TDRD9: variants seen among roughly 807,000 people sequenced by gnomAD.
TDRD9 encodes ATP-dependent RNA helicase TDRD9.
TDRD9 carries 124 observed loss-of-function variants against 172.6 expected under a neutral mutation model. The ratio of observed to expected loss-of-function variants is 0.72; its 90% CI spans 0.62 to 0.83. The LOEUF (loss-of-function observed/expected upper bound fraction) is 0.83, where lower values mean the gene tolerates loss of function less well. Among genes scored for constraint, TDRD9 ranks in the 40% least tolerant of loss-of-function variants. The probability of loss-of-function intolerance (pLI) is 0.00; values close to 1 mark genes in which losing one functional copy is unlikely to be tolerated. For synonymous variants in TDRD9, 619 were observed against 617.1 expected, an observed-to-expected ratio of 1.00 and a Z score of -0.05; for missense variants, 1,479 against 1,714.1, an observed-to-expected ratio of 0.86 and a Z score of 2.42.
chr14:104,026,187 C>T, intron 27 of TDRD9, 51 bp downstream of exon 27: 1 of 1,291,360 alleles, frequency 7.7e-7, no homozygotes, highest in Non-Finnish European at 1.1e-6. Flanking sequence ...GGACAGGATT[C>T]CTGGGTGGAT....
chr14:103,952,131 CGT>C (rs1491576569), intron 1 of TDRD9, among the ~76,000 whole-genome samples: 14 of 84,660 alleles, frequency 1.7e-4, no homozygotes, highest in African/African-American at 4.7e-4. Context: ...TATATATACA[CGT>C]ATATATATAT....
At chr14:104,047,244 A>C (rs1218777499) in intron 34 of TDRD9, among the ~76,000 whole-genome samples, 1 of 152,168 alleles carries the variant, frequency 6.6e-6, no homozygotes, top group African/African-American at 2.4e-5. Context: ...TTTTAATGCT[A>C]TTGTGAATAA....
chr14:104,044,505 GCTTT>G (rs2035707955), intron 34 of TDRD9, among the ~76,000 whole-genome samples: 1 of 152,072 alleles, frequency 6.6e-6, no homozygotes, highest in South Asian at 2.1e-4. Context: ...CCACTGATCT[GCTTT>G]CTGTTTATAT....
chr14:103,928,884 C>G (rs1242035385), intron 1 of TDRD9, 160 bp downstream of exon 1: 9 of 243,768 alleles, frequency 3.7e-5, no homozygotes, highest in Non-Finnish European at 7.1e-5. Flanking sequence ...CAACCCGACG[C>G]GCGGCCCAGA....
At chr14:103,990,659 A>G (rs987706252) in intron 8 of TDRD9, among the ~76,000 whole-genome samples, 2 of 152,220 alleles carry the variant, frequency 1.3e-5, no homozygotes, top group African/African-American at 2.4e-5. Context: ...TTACTGCTGT[A>G]TCTTACACAG....
At chr14:104,043,173 A>G (rs1566804998) in intron 34 of TDRD9, among the ~76,000 whole-genome samples, 1 of 151,616 alleles carries the variant, frequency 6.6e-6, no homozygotes, top group Non-Finnish European at 1.5e-5. Context: ...ACAGGTGTGC[A>G]CCACCACACC....
chr14:104,027,221 A>G (rs181294527), intron 28 of TDRD9, among the ~76,000 whole-genome samples: 168 of 152,098 alleles, frequency 1.1e-3, no homozygotes, highest in African/African-American at 3.9e-3. Flanking sequence ...TTTATTTAAC[A>G]TATTTTTTAG....
chr14:103,994,546 T>C lies in TDRD9; in HGVS notation c.1263T>C (p.Ser421=). Residue 421 remains serine (S), a synonymous_variant, in exon 11 of 36, where the codon AGT becomes AGC. Transcript: ENST00000409874. ...KRLQVYPLHS[S]VALEEQNNVF... is the part of the protein sequence containing the mutation. ...TGCAGGTCTATCCACTCCATTCAAG[T>C]GTGGCTTTAGAAGAACAGAATAATG... 1 of 1,613,984 alleles carries C rather than the reference T, an allele frequency of 6.2e-7. No individual in the cohort carries two copies. The highest frequency in any genetic ancestry group is 8.5e-7 in the Non-Finnish European group (1 of 1,179,854).
chr14:104,025,464 G>A (rs2035087378), intron 25 of TDRD9, 100 bp from the exon 26 acceptor site: 1 of 850,918 alleles, frequency 1.2e-6, no homozygotes, highest in Non-Finnish European at 1.9e-6. Flanking sequence ...CTGGTGAGGT[G>A]TCGTACAGCA....
chr14:104,022,302 A>G lies in TDRD9; in HGVS notation c.2578A>G (p.Met860Val), dbSNP rs199870423. ...GGAAATTGAAGGGAAGGTGCAAGGC[A>G]TGAACGTCTCAAAGCTCAGGAACAC... ...AEEIEGKVQGMNVSKLRNTRV... is the reference protein window; with the variant it reads ...AEEIEGKVQGVNVSKLRNTRV... The change falls in exon 24 of 36, where the codon ATG becomes GTG. Residue 860 changes from methionine (M) to valine (V), a missense_variant. Transcript: ENST00000409874. The G allele has an allele frequency of 3.7e-6, 6 of 1,613,548 alleles. No individual in the cohort carries two copies. In the African/African-American group the frequency reaches 5.3e-5, roughly 14 times the overall value.
At chr14:103,930,443 T>C (rs2030307365) in intron 1 of TDRD9, among the ~76,000 whole-genome samples, 1 of 152,264 alleles carries the variant, frequency 6.6e-6, no homozygotes, top group African/African-American at 2.4e-5. Flanking sequence ...CCCAAAGTGC[T>C]GGGATTCCAG....
chr14:104,010,462 A>G lies in TDRD9; in HGVS notation c.2106+1996A>G, dbSNP rs552423993. Among the ~76,000 whole-genome samples the G allele has an allele frequency of 2.0e-5, 3 of 152,252 alleles. No individual in the cohort carries two copies. In the South Asian group the frequency reaches 6.2e-4, roughly 32 times the overall value. On this transcript the variant is annotated intron_variant, in intron 20 of 35. Transcript: ENST00000409874. The stretch of plus-strand genomic sequence containing the variant: ...TGTCCACTGGAAGGTCATCAGGGGC[A>G]GTAACACATGGAGCTATCATCTCTT...
intron 8 of TDRD9, 31 bp downstream of exon 8, chr14:103,986,351 T>C (rs1418780096): frequency 1.4e-6 from 2 of 1,456,986 alleles, no homozygotes; most frequent in South Asian, 2.4e-5. Context: ...TAATGCACTT[T>C]AATGTATATG....
intron 18 of TDRD9, 42 bp from the exon 19 acceptor site, chr14:104,007,118 A>G (rs2152219936): frequency 6.3e-7 from 1 of 1,580,418 alleles, no homozygotes; most frequent in East Asian, 2.2e-5. Context: ...AAATTCAGTG[A>G]GCCAACACAT....
intron 34 of TDRD9, among the ~76,000 whole-genome samples, chr14:104,045,234 T>C (rs1351770417): frequency 1.3e-5 from 2 of 152,094 alleles, no homozygotes; most frequent in East Asian, 1.9e-4. Context: ...GGCTCTGGCT[T>C]CTCCACATTC....
intron 5 of TDRD9, among the ~76,000 whole-genome samples, chr14:103,968,664 C>T (rs886731384): frequency 4.0e-5 from 6 of 149,334 alleles, no homozygotes; most frequent in Admixed American, 6.7e-5. Flanking sequence ...GGCGTGGTGG[C>T]GGGCGCCTGT....
At chr14:104,014,561 G>A (rs1474742602) in intron 20 of TDRD9, among the ~76,000 whole-genome samples, 164 bp from the exon 21 acceptor site, 1 of 152,158 alleles carries the variant, frequency 6.6e-6, no homozygotes, top group Non-Finnish European at 1.5e-5. Context: ...GATTAGAGGT[G>A]TGAGTCACCG....
chr14:103,999,514 A>G (rs541156582), intron 13 of TDRD9, among the ~76,000 whole-genome samples: 1 of 152,288 alleles, frequency 6.6e-6, no homozygotes, highest in East Asian at 1.9e-4. Context: ...GGGATGCTTC[A>G]ACTACAGTGG....
intron 34 of TDRD9, among the ~76,000 whole-genome samples, chr14:104,049,116 A>ATGTG (rs1217764671): frequency 3.0e-4 from 7 of 23,124 alleles, no homozygotes; most frequent in East Asian, 4.1e-3. Flanking sequence ...GTATGTATGT[A>ATGTG]TGTATGTGTG....
Sources: allele counts gnomAD v4.1 joint callset (sites outside exome capture counted in the v4.1 genomes callset), GRCh38; gene constraint gnomAD v4.1.1; transcripts MANE v1.5; gene names NCBI Gene and HGNC (gene_info 2026-07-23, HGNC 2026-07-21).